AFF2: variants seen among roughly 807,000 people sequenced by gnomAD.
The protein encoded by AFF2 is ALF transcription elongation factor 2.
In AFF2, 14 loss-of-function variants were observed where a neutral mutation model predicts 76.9. The ratio of observed to expected loss-of-function variants is 0.18; its 90% CI spans 0.12 to 0.28. The LOEUF is 0.28. Ranked by LOEUF, AFF2 falls within the 10% of genes least tolerant of loss-of-function variation. The pLI, the probability that AFF2 is intolerant of heterozygous loss-of-function variation, is 1.00. For missense variants in AFF2, 868 were observed against 1,001.1 expected, an observed-to-expected ratio of 0.87 and a Z score of 1.79; for synonymous variants, 398 against 366.7, an observed-to-expected ratio of 1.09 and a Z score of -0.98.
chrX:148,913,346 T>C (rs944751808), intron 9 of AFF2, among the ~76,000 whole-genome samples: 1 of 112,577 alleles, frequency 8.9e-6, no homozygotes, highest in East Asian at 2.8e-4. Flanking sequence ...ACAATTTATT[T>C]TCTTAGAACA....
intron 3 of AFF2, among the ~76,000 whole-genome samples, chrX:148,781,781 C>A (rs1418447187): frequency 9.0e-6 from 1 of 111,613 alleles, no homozygotes; most frequent in Non-Finnish European, 1.9e-5. Flanking sequence ...TCGGTGTCTG[C>A]CCAGATGGCC....
intron 3 of AFF2, among the ~76,000 whole-genome samples, chrX:148,705,805 A>G (rs1189429486): frequency 1.8e-5 from 2 of 111,559 alleles, no homozygotes; most frequent in Non-Finnish European, 3.8e-5. Context: ...AAGTGTGTAA[A>G]GAGAGGCTAG....
intron 1 of AFF2, among the ~76,000 whole-genome samples, chrX:148,627,554 G>A (rs2053938859): frequency 1.8e-5 from 2 of 111,981 alleles, no homozygotes; most frequent in Non-Finnish European, 3.8e-5. Flanking sequence ...CTTTAGAAAT[G>A]CTTATAAGAG....
intron 19 of AFF2, among the ~76,000 whole-genome samples, chrX:148,985,566 G>C (rs1428929897): frequency 1.8e-5 from 2 of 110,169 alleles, no homozygotes; most frequent in African/African-American, 6.6e-5. Context: ...ACATTTAAGA[G>C]TTAATGACTA....
At chrX:148,512,448 T>C (rs900252681) in intron 1 of AFF2, among the ~76,000 whole-genome samples, 2 of 112,267 alleles carry the variant, frequency 1.8e-5, no homozygotes, top group Admixed American at 9.4e-5. Context: ...ATACATACTT[T>C]GGTAAACAAT....
intron 4 of AFF2, among the ~76,000 whole-genome samples, chrX:148,820,039 T>G (rs868934922): frequency 2.7e-5 from 3 of 111,696 alleles, no homozygotes; most frequent in Non-Finnish European, 5.7e-5. Context: ...ATATTGTAAG[T>G]CTGAAAATAG....
At chrX:148,768,188 C>T (rs1315182559) in intron 3 of AFF2, among the ~76,000 whole-genome samples, 2 of 108,735 alleles carry the variant, frequency 1.8e-5, no homozygotes, top group African/African-American at 6.7e-5. Context: ...TTTCTGAACC[C>T]CTCAATCACC....
chrX:148,875,428 A>T (rs1557277754), intron 7 of AFF2, among the ~76,000 whole-genome samples: 1 of 111,918 alleles, frequency 8.9e-6, no homozygotes, highest in African/African-American at 3.2e-5. Context: ...TGTGGAAGCC[A>T]TATGTGATGC....
At chrX:148,920,834 T>A in intron 9 of AFF2, among the ~76,000 whole-genome samples, 1 of 111,483 alleles carries the variant, frequency 9.0e-6, no homozygotes, top group African/African-American at 3.3e-5. Context: ...CAGAATCAAC[T>A]TTGAGACATG....
Position 148,662,367 on chromosome X carries a change from C to G in AFF2, c.640C>G (p.Pro214Ala), listed in dbSNP as rs2054315796. ...PQIGEVEESN[P>A]SAKEDSNPNS... is the part of the protein sequence containing the mutation. ...GATTGGAGAAGTTGAAGAGTCAAAC[C>G]CATCTGCAAAGGAAGACAGTAACCC... The change falls in exon 3 of 21, where the codon CCA (proline) becomes GCA (alanine). Residue 214 changes from proline to alanine, a missense_variant. Around this residue, in one of 6 missense-constraint regions of AFF2, gnomAD observed 196 missense variants for 194.8 expected, o/e 1.01. Coordinates refer to ENST00000370460, the MANE Select transcript of AFF2 (RefSeq NM_002025.4). The G allele has an allele frequency of 8.3e-7, 1 of 1,210,089 alleles. No individual in the cohort carries two copies. Among genetic ancestry groups the G allele is most frequent in the Admixed American group, 2.2e-5 (1 of 45,718 alleles).
At chrX:148,688,969 A>T (rs1383588416) in intron 3 of AFF2, among the ~76,000 whole-genome samples, 8 of 112,414 alleles carry the variant, frequency 7.1e-5, no homozygotes, top group East Asian at 2.8e-4. Flanking sequence ...TGTACTTGCT[A>T]TAGTGTTCCT....
intron 3 of AFF2, among the ~76,000 whole-genome samples, chrX:148,757,930 A>C (rs781788569): frequency 2.7e-5 from 3 of 112,604 alleles, no homozygotes; most frequent in Admixed American, 9.4e-5. Flanking sequence ...TTGTCAAAAC[A>C]TGCAATGTCC....
chrX:148,745,732 T>A (rs1603293174), intron 3 of AFF2, among the ~76,000 whole-genome samples: 1 of 110,246 alleles, frequency 9.1e-6, no homozygotes. Flanking sequence ...ATACTGCATT[T>A]TTATTATTAT....
rs1384763045 is a variant in AFF2, at chrX:148,650,129, A to G, written c.48-1870A>G. The stretch of plus-strand genomic sequence containing the variant: ...CCCAATCTTTCTTACATTTGGATAA[A>G]TTGATGGGATTGGATTACACACAGC... On this transcript the variant is annotated intron_variant, in intron 1 of 20. Transcript: ENST00000370460. Among the ~76,000 whole-genome samples the G allele has an allele frequency of 2.7e-5, 3 of 110,736 alleles. No individual in the cohort carries two copies. The East Asian group carries it at 8.5e-4, about 31-fold the overall frequency.
At chrX:148,638,943 G>C (rs1209732867) in intron 1 of AFF2, among the ~76,000 whole-genome samples, 9 of 112,069 alleles carry the variant, frequency 8.0e-5, no homozygotes, top group Non-Finnish European at 1.5e-4. Flanking sequence ...CATTCTAGAT[G>C]AACAGAATTT....
chrX:148,594,201 A>G (rs932842121), intron 1 of AFF2, among the ~76,000 whole-genome samples: 1 of 110,358 alleles, frequency 9.1e-6, no homozygotes, highest in Non-Finnish European at 1.9e-5. Context: ...GCTCGGTTAG[A>G]ATTACAAGAC....
At position 148,852,049 on chromosome X, in the gene AFF2, C is replaced by G. The variant is rs1230733708; in HGVS notation, c.1262+8616C>G. Among the ~76,000 whole-genome samples the G allele has an allele frequency of 4.5e-5, 5 of 111,395 alleles. No homozygotes were observed. The Admixed American group carries it at 4.8e-4, about 11-fold the overall frequency. Reference sequence around the variant, plus strand: ...GCTCCATCCATGTTTCTGCAGAAGACATGATGTCCTTCTTTTATATGGCTG... The same window carrying G: ...GCTCCATCCATGTTTCTGCAGAAGAGATGATGTCCTTCTTTTATATGGCTG... On this transcript the variant is annotated intron_variant, in intron 7 of 20. Coordinates refer to ENST00000370460, the MANE Select transcript of AFF2 (RefSeq NM_002025.4).
chrX:148,871,734 G>T (rs1557277371), intron 7 of AFF2, among the ~76,000 whole-genome samples: 2 of 111,311 alleles, frequency 1.8e-5, no homozygotes, highest in African/African-American at 6.5e-5. Context: ...GGGAGGAGGA[G>T]AAGAGTCTTT....
intron 9 of AFF2, among the ~76,000 whole-genome samples, chrX:148,941,893 C>G (rs1253391113): frequency 9.0e-6 from 1 of 110,670 alleles, no homozygotes; most frequent in Non-Finnish European, 1.9e-5. Flanking sequence ...CCAGGTGACT[C>G]TGTTTGTGCT....
Sources: allele counts gnomAD v4.1 joint callset (sites outside exome capture counted in the v4.1 genomes callset), GRCh38; gene constraint gnomAD v4.1.1; regional missense constraint gnomAD v4.1.1; transcripts MANE v1.5; gene names NCBI Gene and HGNC (gene_info 2026-07-23, HGNC 2026-07-21).